Variants in ZNF536 observed in about 807,000 individuals in gnomAD.
ZNF536 encodes zinc finger protein 536.
ZNF536 carries 13 observed loss-of-function variants against 84.5 expected under a neutral mutation model. That is an observed-to-expected ratio of 0.15 (90% CI 0.10 to 0.24). The LOEUF (loss-of-function observed/expected upper bound fraction) is 0.24. Ranked by LOEUF, ZNF536 falls within the 10% of genes least tolerant of loss-of-function variation. The probability of loss-of-function intolerance (pLI) is 1.00; values close to 1 mark genes in which losing one functional copy is unlikely to be tolerated. For synonymous variants in ZNF536, 811 were observed against 742.5 expected, an observed-to-expected ratio of 1.09 and a Z score of -1.50; for missense variants, 1,536 against 1,747.5, an observed-to-expected ratio of 0.88 and a Z score of 2.16.
At chr19:30,528,607 C>G (rs2044683502) in intron 2 of ZNF536, among the ~76,000 whole-genome samples, 1 of 152,178 alleles carries the variant, frequency 6.6e-6, no homozygotes, top group African/African-American at 2.4e-5. Flanking sequence ...TGTCATCCAT[C>G]TGGTGACTCA....
At chr19:30,348,934 A>G (rs1480397744) in intron 2 of ZNF536, among the ~76,000 whole-genome samples, 1 of 152,122 alleles carries the variant, frequency 6.6e-6, no homozygotes, top group Non-Finnish European at 1.5e-5. Context: ...TGAATCAAAC[A>G]CAATCCAAAG....
At chr19:30,709,470 T>C (rs575402484) in intron 1 of ZNF536, among the ~76,000 whole-genome samples, 1 of 152,230 alleles carries the variant, frequency 6.6e-6, no homozygotes, top group African/African-American at 2.4e-5. Context: ...TGCTCAACAA[T>C]AAAGAGTCAA....
At chr19:30,437,540 G>A (rs902483859) in intron 1 of ZNF536, among the ~76,000 whole-genome samples, 2 of 152,062 alleles carry the variant, frequency 1.3e-5, no homozygotes, top group African/African-American at 4.8e-5. Flanking sequence ...CCTTCACCCG[G>A]GGCCCCTGCC....
intron 2 of ZNF536, among the ~76,000 whole-genome samples, chr19:30,497,191 C>T (rs3786801): frequency 0.053 from 8,017 of 152,180 alleles, 419 homozygotes; most frequent in African/African-American, 0.13. Context: ...TTAAGGGCCC[C>T]GTGAGCGGCT....
chr19:30,606,821 C>T (rs148949048), intron 1 of ZNF536, among the ~76,000 whole-genome samples: 26 of 152,164 alleles, frequency 1.7e-4, no homozygotes, highest in East Asian at 7.7e-4. Flanking sequence ...TCCTCCTGTA[C>T]GTAAAGAGGG....
At chr19:30,408,260 G>T (rs1437006757) in intron 1 of ZNF536, among the ~76,000 whole-genome samples, 1 of 152,178 alleles carries the variant, frequency 6.6e-6, no homozygotes, top group Non-Finnish European at 1.5e-5. Context: ...AAATCTGGGT[G>T]TTGCATTCTA....
At chr19:30,314,794 A>AGGTG (rs1340532904) in intron 2 of ZNF536, among the ~76,000 whole-genome samples, 1 of 152,056 alleles carries the variant, frequency 6.6e-6, no homozygotes. Context: ...AGGCAGGCTA[A>AGGTG]GGTGGGTGAT....
At position 30,318,705 on chromosome 19, in the gene ZNF536, C is replaced by T. The variant is rs189822597; in HGVS notation, c.-119-33663C>T. Among the ~76,000 whole-genome samples the T allele has an allele frequency of 2.3e-3, 355 of 152,266 alleles. 4 individuals carry two copies. Among genetic ancestry groups the T allele is most frequent in the African/African-American group, 7.8e-3 (323 of 41,542 alleles). Reference sequence around the variant, plus strand: ...TGTGTGTGCATGGCGCACATGTGTGCGCTTGCATGTATATGTCTCTCTTCT... The same window carrying T: ...TGTGTGTGCATGGCGCACATGTGTGTGCTTGCATGTATATGTCTCTCTTCT... On this transcript the variant is annotated intron_variant, in intron 2 of 5. Coordinates refer to the ZNF536 transcript ENST00000585628.
At chr19:30,496,012 G>A (rs1478465147) in intron 2 of ZNF536, among the ~76,000 whole-genome samples, 2 of 152,202 alleles carry the variant, frequency 1.3e-5, no homozygotes, top group Admixed American at 6.5e-5. Context: ...ATGCCAGGGT[G>A]TATTCAGTGC....
chr19:30,304,608 C>T lies in ZNF536; in HGVS notation c.-120+20467C>T, dbSNP rs138912686. On this transcript the variant is annotated intron_variant, in intron 2 of 5. Transcript: ENST00000585628. Reference sequence around the variant, plus strand: ...GGGAGGGAGTTAGTGAGTTATGTGACCCAGAGCCGGCTGCTCTGGGGGCAG... The same window carrying T: ...GGGAGGGAGTTAGTGAGTTATGTGATCCAGAGCCGGCTGCTCTGGGGGCAG... Among the ~76,000 whole-genome samples the T allele has an allele frequency of 1.1e-4, 16 of 152,320 alleles. 1 individual carries two copies. The East Asian group carries it at 2.9e-3, about 28-fold the overall frequency.
chr19:30,473,350 A>C (rs2053718268), intron 2 of ZNF536, among the ~76,000 whole-genome samples: 1 of 152,084 alleles, frequency 6.6e-6, no homozygotes, highest in Admixed American at 6.5e-5. Context: ...GTTTTAGCCC[A>C]GCGTGTCCCA....
chr19:30,504,439 C>G (rs1430041884), intron 2 of ZNF536, among the ~76,000 whole-genome samples: 1 of 144,852 alleles, frequency 6.9e-6, no homozygotes, highest in South Asian at 2.3e-4. Flanking sequence ...TTCCTTCCTT[C>G]CTTCCTCCCT....
In ZNF536 at chr19:30,324,831, A is replaced by G. The variant is rs559256333; in HGVS notation, c.-119-27537A>G. 2.0e-5 allele frequency among the ~76,000 whole-genome samples: 3 copies of G among 152,144 alleles called. No homozygotes were observed. The South Asian group carries it at 6.2e-4, about 32-fold the overall frequency. ...ATCTCCCCTGATATTTATATACATCATGTCTCCTTAAAAGCCCCTCTCTTC... is the reference window on the plus strand; with the variant it reads ...ATCTCCCCTGATATTTATATACATCGTGTCTCCTTAAAAGCCCCTCTCTTC... On this transcript the variant is annotated intron_variant, in intron 2 of 5. Transcript: ENST00000585628.
intron 1 of ZNF536, among the ~76,000 whole-genome samples, chr19:30,255,306 G>A (rs944307352): frequency 2.6e-5 from 4 of 152,132 alleles, no homozygotes; most frequent in African/African-American, 9.7e-5. Flanking sequence ...TAGCTTGGGC[G>A]CTAAAACCTG....
intron 2 of ZNF536, among the ~76,000 whole-genome samples, chr19:30,314,275 G>A (rs1415226681): frequency 1.3e-5 from 2 of 152,168 alleles, no homozygotes; most frequent in Admixed American, 6.5e-5. Flanking sequence ...AGTCTCGAGC[G>A]GGGCGGTGCG....
At chr19:30,484,183 A>ATGAATTGAAT (rs2054201136) in intron 2 of ZNF536, among the ~76,000 whole-genome samples, 1 of 151,224 alleles carries the variant, frequency 6.6e-6, no homozygotes, top group Non-Finnish European at 1.5e-5. Flanking sequence ...TGTATGTCCC[A>ATGAATTGAAT]GAAATTCAAA....
intron 2 of ZNF536, among the ~76,000 whole-genome samples, chr19:30,452,983 G>C (rs1394166690): frequency 1.3e-5 from 2 of 150,674 alleles, no homozygotes; most frequent in Admixed American, 6.6e-5. Flanking sequence ...ATGGTGTCGG[G>C]GGGGTGGGCA....
At chr19:30,429,969 A>G (rs759220236) in intron 1 of ZNF536, among the ~76,000 whole-genome samples, 3 of 151,688 alleles carry the variant, frequency 2.0e-5, no homozygotes, top group Non-Finnish European at 4.4e-5. Context: ...GGATAAGGGT[A>G]CAGGGTGGTG....
chr19:30,383,671 TC>T (rs2049122149), intron 1 of ZNF536, among the ~76,000 whole-genome samples: 2 of 29,606 alleles, frequency 6.8e-5, no homozygotes, highest in Admixed American at 3.9e-4. Flanking sequence ...TCTCTTTCTT[TC>T]TTCCTTTCTT....
Sources: gnomAD v4.1 joint callset for allele counts (sites outside exome capture counted in the v4.1 genomes callset) on GRCh38, gnomAD v4.1.1 for gene constraint, MANE v1.5 for transcripts, NCBI Gene and HGNC (gene_info 2026-07-23, HGNC 2026-07-21) for gene names.